SLC1A7: variants seen among roughly 807,000 people sequenced by gnomAD.
The protein encoded by SLC1A7 is solute carrier family 1 member 7, also known as excitatory amino acid transporter 5.
A neutral mutation model predicts 47.7 loss-of-function variants in SLC1A7; 40 were observed. That is an observed-to-expected ratio of 0.84 (90% CI 0.65 to 1.09). SLC1A7 has a LOEUF of 1.09. SLC1A7 is among the 50% of genes least tolerant of loss of function. SLC1A7 has a pLI of 0.00. For missense variants in SLC1A7, 746 were observed against 769.5 expected, an observed-to-expected ratio of 0.97 and a Z score of 0.36; for synonymous variants, 323 against 325.6, an observed-to-expected ratio of 0.99 and a Z score of 0.09.
At chr1:53,134,825 G>A (rs1410994457) in intron 1 of SLC1A7, among the ~76,000 whole-genome samples, 1 of 151,986 alleles carries the variant, frequency 6.6e-6, no homozygotes, top group Non-Finnish European at 1.5e-5. Context: ...ACATACCTAC[G>A]ATAAAATGTA....
At chr1:53,123,796 C>T (rs577053988) in intron 2 of SLC1A7, among the ~76,000 whole-genome samples, 4 of 152,240 alleles carry the variant, frequency 2.6e-5, no homozygotes, top group African/African-American at 7.2e-5. Context: ...CAGCCCACAG[C>T]GGGCCACGTT....
intron 7 of SLC1A7, among the ~76,000 whole-genome samples, chr1:53,091,813 G>A (rs991716819): frequency 2.0e-5 from 3 of 152,168 alleles, no homozygotes; most frequent in Non-Finnish European, 4.4e-5. Context: ...TCAGACACTT[G>A]CCATGGGGAG....
Position 53,142,511 on chromosome 1 carries a change from G to T in SLC1A7, c.-62C>A. On this transcript the variant is annotated 5_prime_UTR_variant, in exon 1 of 11. Transcript: ENST00000371494. ...TTCCACGCATGAGAGCCCGGCCGGG[G>T]GCACAGGGTCTGGGCTGAGGGCTCT... The T allele has an allele frequency of 1.3e-6, 2 of 1,577,848 alleles. No homozygotes were observed. Among genetic ancestry groups the T allele is most frequent in the South Asian group, 2.3e-5 (2 of 86,062 alleles).
chr1:53,112,421 C>T (rs1040855251), intron 3 of SLC1A7, among the ~76,000 whole-genome samples: 4 of 152,216 alleles, frequency 2.6e-5, no homozygotes, highest in Non-Finnish European at 5.9e-5. Flanking sequence ...TCCAGCTGAC[C>T]TATAGACTTG....
intron 3 of SLC1A7, among the ~76,000 whole-genome samples, chr1:53,110,778 C>A (rs940834010): frequency 6.6e-6 from 1 of 152,124 alleles, no homozygotes; most frequent in Admixed American, 6.5e-5. Flanking sequence ...TCTCCTCCTG[C>A]CTCTCTGCTT....
Position 53,115,022 on chromosome 1 carries a change from G to A in SLC1A7, c.216-49C>T, listed in dbSNP as rs761550877. On this transcript the variant is annotated intron_variant, in intron 2 of 10. Coordinates refer to ENST00000371494, the MANE Select transcript of SLC1A7 (RefSeq NM_006671.6). ...GCTGTGGTGGGGAGGCCAGGGCCTGGCTGGCACTCAGCGCTCACTCAGCCC... is the reference window on the plus strand; with the variant it reads ...GCTGTGGTGGGGAGGCCAGGGCCTGACTGGCACTCAGCGCTCACTCAGCCC... The A allele has an allele frequency of 3.4e-6, 5 of 1,475,606 alleles. No individual in the cohort carries two copies. The African/African-American group carries it at 6.9e-5, about 20-fold the overall frequency. 91.4% of individuals were successfully genotyped at this position (1,475,606 alleles called of 1,614,324 possible).
intron 5 of SLC1A7, chr1:53,103,118 A>C: frequency 9.1e-6 from 4 of 441,268 alleles, no homozygotes; most frequent in East Asian, 3.7e-5. Flanking sequence ...CTGCGGGCCT[A>C]AGAAATGGCC....
intron 2 of SLC1A7, among the ~76,000 whole-genome samples, chr1:53,124,233 A>T (rs1410370434): frequency 2.3e-5 from 1 of 42,798 alleles, no homozygotes; most frequent in Non-Finnish European, 4.6e-5. Context: ...AATAGGAAGG[A>T]AAACAATACA....
chr1:53,088,745 G>A lies in SLC1A7; in HGVS notation c.1464+132C>T, dbSNP rs1302590782. 5.7e-5 allele frequency: 39 copies of A among 688,948 alleles called. 1 individual carries two copies. The East Asian group carries it at 5.7e-4, about 10-fold the overall frequency. 42.7% of individuals were successfully genotyped at this position (688,948 alleles called of 1,614,324 possible). A position where few individuals can be genotyped will look rare whatever the true frequency, so the allele number is the denominator to read the frequency against. ...AATCAGTCATTCTGTAACGGATGAG[G>A]AGACCGAGGCCCAGAGGCATGGAGG... On this transcript the variant is annotated intron_variant, in intron 10 of 10. Transcript: ENST00000371494.
chr1:53,123,944 C>T (rs946892044), intron 2 of SLC1A7, among the ~76,000 whole-genome samples: 2 of 152,258 alleles, frequency 1.3e-5, no homozygotes, highest in Non-Finnish European at 2.9e-5. Context: ...ATCCGAAGCA[C>T]AGGCTGTACC....
intron 2 of SLC1A7, among the ~76,000 whole-genome samples, chr1:53,131,198 G>A (rs34100876): frequency 0.067 from 10,184 of 152,332 alleles, 456 homozygotes; most frequent in Middle Eastern, 0.13. Flanking sequence ...AGAGCCAGAA[G>A]GTGGAGAGCT....
intron 1 of SLC1A7, 31 bp downstream of exon 1, chr1:53,142,284 C>T (rs771878646): frequency 6.5e-7 from 1 of 1,548,060 alleles, no homozygotes; most frequent in Admixed American, 2.0e-5. Flanking sequence ...CCCTCCTGGA[C>T]AGGGGTCCCG....
Position 53,092,789 on chromosome 1 carries a change from T to A in SLC1A7, c.798-2A>T, listed in dbSNP as rs1256596450. On this transcript the variant is annotated splice_acceptor_variant, in intron 6 of 10. Coordinates refer to ENST00000371494, the MANE Select transcript of SLC1A7 (RefSeq NM_006671.6). LOFTEE classifies it high-confidence loss of function. ...AACACAATGCCGAAGGGGAAATACC[T>A]GGGGGCGGCGGGGCAGCCAGGCTCA... 1.2e-6 allele frequency: 2 copies of A among 1,603,826 alleles called. No individual in the cohort carries two copies. The highest frequency in any genetic ancestry group is 1.7e-6 in the Non-Finnish European group (2 of 1,171,252).
intron 4 of SLC1A7, 86 bp from the exon 5 acceptor site, chr1:53,103,654 C>T (rs1644609553): frequency 1.3e-6 from 1 of 749,752 alleles, no homozygotes; most frequent in East Asian, 2.7e-5. Context: ...ATCTTGAAGG[C>T]ACATTTGTAT....
intron 2 of SLC1A7, among the ~76,000 whole-genome samples, chr1:53,130,354 G>A (rs1644930161): frequency 6.6e-6 from 1 of 152,172 alleles, no homozygotes; most frequent in East Asian, 1.9e-4. Flanking sequence ...CTGGTTCCAG[G>A]GCTTGGCATG....
Position 53,090,785 on chromosome 1 carries a change from G to A in SLC1A7, c.1053C>T (p.Thr351=), listed in dbSNP as rs1487167308. The A allele has an allele frequency of 6.2e-7, 1 of 1,612,730 alleles. No individual in the cohort carries two copies. The highest frequency in any genetic ancestry group is 8.5e-7 in the Non-Finnish European group (1 of 1,179,448). ...TSSSSATLPI[T]FKCLLENNHI... is the part of the protein sequence containing the mutation. ...GGTTGTTCTCCAGCAGGCACTTGAA[G>A]GTGATGGGCAGTGTGGCTGAGCTAC... The change falls in exon 8 of 11, where the codon ACC becomes ACT. Residue 351 remains threonine (T), a synonymous_variant. Transcript: ENST00000371494.
chr1:53,111,393 C>T (rs1437264131), intron 3 of SLC1A7, among the ~76,000 whole-genome samples: 1 of 152,164 alleles, frequency 6.6e-6, no homozygotes, highest in Non-Finnish European at 1.5e-5. Flanking sequence ...CAGGCTACGA[C>T]TTTGTTGCCA....
chr1:53,090,751 G>C lies in SLC1A7; in HGVS notation c.1087C>G (p.Arg363Gly). 1 of 1,613,640 alleles carries C rather than the reference G, an allele frequency of 6.2e-7. No individual in the cohort carries two copies. Among genetic ancestry groups the C allele is most frequent in the Admixed American group, 1.7e-5 (1 of 59,972 alleles). Residue 363 changes from arginine (R) to glycine (G), a missense_variant, in exon 8 of 11, where the codon CGG becomes GGG. Physicochemically the swap from Arg to Gly is moderately radical, Grantham distance 125 (BLOSUM62 -2). Coordinates refer to ENST00000371494, the MANE Select transcript of SLC1A7 (RefSeq NM_006671.6). ...GGCAGCACGAAGCGAGCGATGCGCCGGTCGATGTGGTTGTTCTCCAGCAGG... is the reference window on the plus strand; with the variant it reads ...GGCAGCACGAAGCGAGCGATGCGCCCGTCGATGTGGTTGTTCTCCAGCAGG... ...KCLLENNHIDRRIARFVLPVG... is the reference protein window; with the variant it reads ...KCLLENNHIDGRIARFVLPVG...
intron 3 of SLC1A7, among the ~76,000 whole-genome samples, chr1:53,111,976 G>C (rs1644704906): frequency 6.6e-6 from 1 of 152,334 alleles, no homozygotes; most frequent in African/African-American, 2.4e-5. Context: ...AAGGGTAAAA[G>C]AGAAGCTGAA....
Sources: gnomAD v4.1 joint callset for allele counts (sites outside exome capture counted in the v4.1 genomes callset) on GRCh38, gnomAD v4.1.1 for gene constraint, MANE v1.5 for transcripts, NCBI Gene and HGNC (gene_info 2026-07-23, HGNC 2026-07-21) for gene names.